Variants in THADA observed in about 807,000 individuals in gnomAD.
THADA encodes tRNA (32-2'-O)-methyltransferase regulator THADA.
In THADA, 213 loss-of-function variants were observed where a neutral mutation model predicts 219.8. That is an observed-to-expected ratio of 0.97 (90% confidence interval 0.87 to 1.09). The LOEUF (loss-of-function observed/expected upper bound fraction) is 1.09. Ranked by LOEUF, THADA falls within the 50% of genes least tolerant of loss-of-function variation. THADA has a pLI of 0.00. For synonymous variants in THADA, 1,018 were observed against 828.9 expected (o/e 1.23, Z -3.92); for missense variants, 2,956 against 2,311.3 (o/e 1.28, Z -5.72).
chr2:43,572,792 C>A (rs1287803059), intron 12 of THADA, 22 bp downstream of exon 12: 1 of 1,609,370 alleles, frequency 6.2e-7, no homozygotes, highest in African/African-American at 1.3e-5. Context: ...ATGTACAAAT[C>A]CAGGTAATTT....
chr2:43,270,562 T>A (rs1558495457), intron 36 of THADA, among the ~76,000 whole-genome samples: 1 of 152,212 alleles, frequency 6.6e-6, no homozygotes, highest in Non-Finnish European at 1.5e-5. Context: ...CCTTTCCCTG[T>A]CTCAGAGAGG....
intron 22 of THADA, among the ~76,000 whole-genome samples, chr2:43,510,832 G>T (rs2105104131): frequency 6.6e-6 from 1 of 151,788 alleles, no homozygotes; most frequent in South Asian, 2.1e-4. Context: ...TTAGCCAGGT[G>T]TGGTGGCGGG....
rs1223619976 is a variant in THADA, at chr2:43,308,755, TACCAAAAAAAAAAAA to T, written c.4438+11676_4438+11690del. Among the ~76,000 whole-genome samples the T allele has an allele frequency of 1.3e-4, 8 of 63,322 alleles. 1 individual carries two copies. The highest frequency in any genetic ancestry group is 6.5e-4 in the South Asian group (1 of 1,550). 41.5% of individuals were successfully genotyped at this position (63,322 alleles called of 152,430 possible). A position where few individuals can be genotyped will look rare whatever the true frequency, so the allele number is the denominator to read the frequency against. On this transcript the variant is annotated intron_variant, in intron 31 of 37. Transcript: ENST00000405975. ...ATGGTGCTGAAACATTGGATACCCA[TACCAAAAAAAAAAAA>T]AAAAAAAAAAAAAAGAATGCCAACC... is the stretch of plus-strand genomic sequence containing the variant.
intron 36 of THADA, among the ~76,000 whole-genome samples, chr2:43,268,361 C>G (rs1048865545): frequency 1.7e-4 from 26 of 152,258 alleles, no homozygotes; most frequent in Admixed American, 9.2e-4. Context: ...TGCACAGATT[C>G]CCAACATGCC....
chr2:43,494,741 T>C (rs912305330), intron 25 of THADA, among the ~76,000 whole-genome samples: 5 of 152,186 alleles, frequency 3.3e-5, no homozygotes, highest in Admixed American at 6.5e-5. Context: ...GTGCTTAACA[T>C]AACATCTACA....
intron 24 of THADA, among the ~76,000 whole-genome samples, chr2:43,500,775 A>G (rs1361793438): frequency 2.6e-5 from 4 of 152,200 alleles, no homozygotes; most frequent in Non-Finnish European, 5.9e-5. Context: ...AAGTTAAAAC[A>G]AACTTAGCAT....
chr2:43,444,337 C>T (rs1681246640), intron 26 of THADA, among the ~76,000 whole-genome samples: 1 of 152,186 alleles, frequency 6.6e-6, no homozygotes, highest in East Asian at 1.9e-4. Flanking sequence ...GAACATTTGT[C>T]TGGCCATACA....
At chr2:43,470,289 T>C (rs1242161051) in intron 26 of THADA, among the ~76,000 whole-genome samples, 1 of 151,562 alleles carries the variant, frequency 6.6e-6, no homozygotes, top group Non-Finnish European at 1.5e-5. Context: ...AGTTATAACC[T>C]TTGACACATA....
At chr2:43,393,575 G>A (rs1349196485) in intron 29 of THADA, among the ~76,000 whole-genome samples, 1 of 152,032 alleles carries the variant, frequency 6.6e-6, no homozygotes, top group Non-Finnish European at 1.5e-5. Flanking sequence ...AGCCGTGGTG[G>A]CAGGCGCCTG....
rs948594713 is a variant in THADA, at chr2:43,504,325, T to C, written c.3621+1297A>G. Among the ~76,000 whole-genome samples the C allele has an allele frequency of 5.9e-5, 9 of 152,154 alleles. No individual in the cohort carries two copies. In the South Asian group the frequency reaches 6.2e-4, roughly 10 times the overall value. On this transcript the variant is annotated intron_variant, in intron 24 of 37. Coordinates refer to ENST00000405975, the MANE Select transcript of THADA (RefSeq NM_022065.5). ...CTATGTGCCATATGACTATGTTCCA[T>C]ATGACTGTGGAAAAGAATGGGGATT... is the stretch of plus-strand genomic sequence containing the variant.
At chr2:43,595,708 CT>C (rs1259040781) in intron 1 of THADA, 1 of 152,420 alleles carries the variant, frequency 6.6e-6, no homozygotes, top group East Asian at 1.9e-4. Flanking sequence ...CAAACATTCT[CT>C]GGGCGATTTC....
chr2:43,372,254 T>C (rs1035840213), intron 29 of THADA: 21 of 152,362 alleles, frequency 1.4e-4, no homozygotes, highest in African/African-American at 5.1e-4. Flanking sequence ...CTGCTAGTTT[T>C]ATTACTTAAA....
At chr2:43,320,617 T>C in intron 30 of THADA, 77 bp from the exon 31 acceptor site, 1 of 1,040,934 alleles carries the variant, frequency 9.6e-7, no homozygotes, top group Middle Eastern at 2.1e-4. Context: ...AGAACATGGG[T>C]ATTTTCTATG....
intron 31 of THADA, among the ~76,000 whole-genome samples, chr2:43,301,380 C>G (rs6756575): frequency 0.22 from 33,459 of 151,976 alleles, 4,609 homozygotes; most frequent in African/African-American, 0.38. Context: ...AGGCCAGCCA[C>G]CTGGCCAGAC....
intron 29 of THADA, among the ~76,000 whole-genome samples, chr2:43,360,687 C>A (rs1296421277): frequency 6.6e-6 from 1 of 152,180 alleles, no homozygotes. Flanking sequence ...CTCTAAGCAA[C>A]CAGTCACCCA....
At chr2:43,461,733 G>A (rs1223325818) in intron 26 of THADA, among the ~76,000 whole-genome samples, 1 of 152,234 alleles carries the variant, frequency 6.6e-6, no homozygotes, top group Non-Finnish European at 1.5e-5. Context: ...CCTAGTATCT[G>A]TGGCATGGCC....
intron 26 of THADA, among the ~76,000 whole-genome samples, chr2:43,478,427 T>C (rs987736963): frequency 2.0e-5 from 3 of 152,206 alleles, no homozygotes; most frequent in African/African-American, 7.2e-5. Context: ...GGGCAAGAAA[T>C]ACTGCTTGTA....
chr2:43,236,118 C>A (rs1486641706), intron 36 of THADA, among the ~76,000 whole-genome samples: 1 of 152,130 alleles, frequency 6.6e-6, no homozygotes, highest in Non-Finnish European at 1.5e-5. Context: ...CCATCTTGCA[C>A]CATTTTGCCA....
chr2:43,398,024 TG>T lies in THADA; in HGVS notation c.4173del (p.Ser1392AlafsTer41). The T allele has an allele frequency of 6.2e-7, 1 of 1,613,990 alleles. No individual in the cohort carries two copies. Among genetic ancestry groups the T allele is most frequent in the Non-Finnish European group, 8.5e-7 (1 of 1,179,852 alleles). On this transcript the variant is annotated frameshift_variant, in exon 29 of 38. Coordinates refer to ENST00000405975, the MANE Select transcript of THADA (RefSeq NM_022065.5). LOFTEE classifies it high-confidence loss of function. ...NTIRTLLSTL[P>X]SCTDQCFRQN... is the part of the protein sequence containing the mutation. ...TGCCGGAAACACTGGTCAGTGCAGC[TG>T]GGGAGTGTGGACAACAGAGTTCGAA...
Sources: allele counts gnomAD v4.1 joint callset (sites outside exome capture counted in the v4.1 genomes callset), GRCh38; gene constraint gnomAD v4.1.1; transcripts MANE v1.5; gene names NCBI Gene and HGNC (gene_info 2026-07-23, HGNC 2026-07-21).